CNTNAP4: variants seen among roughly 807,000 people sequenced by gnomAD.
The protein encoded by CNTNAP4 is contactin-associated protein-like 4.
CNTNAP4 carries 98 observed loss-of-function variants against 148.4 expected under a neutral mutation model. That is an observed-to-expected ratio of 0.66 (90% CI 0.56 to 0.78). The LOEUF (loss-of-function observed/expected upper bound fraction) is 0.78. CNTNAP4 is among the 30% of genes least tolerant of loss of function. The probability of loss-of-function intolerance (pLI) is 0.00; values close to 1 mark genes in which losing one functional copy is unlikely to be tolerated. For synonymous variants in CNTNAP4, 730 were observed against 565.1 expected (o/e 1.29, Z -4.14); for missense variants, 1,935 against 1,565.6 (o/e 1.24, Z -3.98).
intron 20 of CNTNAP4, 102 bp downstream of exon 20, chr16:76,539,954 T>G: frequency 1.3e-6 from 1 of 797,216 alleles, no homozygotes; most frequent in African/African-American, 1.8e-5. Flanking sequence ...AGAGACACTT[T>G]CATTGGTCTT....
chr16:76,398,802 A>T (rs1380421807), intron 3 of CNTNAP4, among the ~76,000 whole-genome samples: 1 of 152,116 alleles, frequency 6.6e-6, no homozygotes, highest in South Asian at 2.1e-4. Flanking sequence ...TTGGGTGCAT[A>T]TATATTTGTA....
chr16:76,439,238 G>A (rs184298811), intron 4 of CNTNAP4, among the ~76,000 whole-genome samples: 276 of 152,132 alleles, frequency 1.8e-3, no homozygotes, highest in African/African-American at 6.4e-3. Flanking sequence ...GATGTAAATT[G>A]TATCATAAAT....
intron 3 of CNTNAP4, among the ~76,000 whole-genome samples, chr16:76,413,275 A>G (rs894830957): frequency 6.6e-6 from 1 of 151,324 alleles, no homozygotes; most frequent in Admixed American, 6.6e-5. Context: ...CTCAGCCTCT[A>G]GTAACCATCT....
chr16:76,516,212 G>T (rs1320934602), intron 15 of CNTNAP4, among the ~76,000 whole-genome samples: 1 of 150,618 alleles, frequency 6.6e-6, no homozygotes, highest in Non-Finnish European at 1.5e-5. Flanking sequence ...CTGTTTCTGT[G>T]TTAGTGTGCT....
chr16:76,498,132 T>G (rs556269481), intron 14 of CNTNAP4, among the ~76,000 whole-genome samples: 57 of 152,334 alleles, frequency 3.7e-4, no homozygotes, highest in African/African-American at 1.3e-3. Flanking sequence ...GGCTCACACC[T>G]GTAATCCCCG....
chr16:76,525,204 T>G lies in CNTNAP4; in HGVS notation c.2755+2947T>G, dbSNP rs577578566. ...AAAAATTGTAACTGGAGATATTTTTTTTTTCCCTGTAGGCAGACTCAGTGA... is the reference window on the plus strand; with the variant it reads ...AAAAATTGTAACTGGAGATATTTTTGTTTTCCCTGTAGGCAGACTCAGTGA... On this transcript the variant is annotated intron_variant, in intron 17 of 23. Transcript: ENST00000611870. Among the ~76,000 whole-genome samples, 4 of 152,154 alleles carry G rather than the reference T, an allele frequency of 2.6e-5. No homozygotes were observed. In the East Asian group the frequency reaches 7.7e-4, roughly 29 times the overall value.
At chr16:76,402,847 A>T (rs1191425677) in intron 3 of CNTNAP4, among the ~76,000 whole-genome samples, 1 of 151,792 alleles carries the variant, frequency 6.6e-6, no homozygotes, top group East Asian at 1.9e-4. Flanking sequence ...ATGTAATTGC[A>T]TGGTTTTGAG....
intron 3 of CNTNAP4, among the ~76,000 whole-genome samples, chr16:76,424,013 A>T (rs1203095016): frequency 1.3e-5 from 2 of 152,048 alleles, no homozygotes; most frequent in African/African-American, 4.8e-5. Context: ...CAACCTCACA[A>T]TTTTCCTTAC....
chr16:76,465,937 G>A (rs2081163737), intron 9 of CNTNAP4, among the ~76,000 whole-genome samples: 1 of 152,096 alleles, frequency 6.6e-6, no homozygotes, highest in South Asian at 2.1e-4. Context: ...AAGCATTAAG[G>A]AAAAATATTA....
At chr16:76,494,881 A>G (rs1242806910) in intron 13 of CNTNAP4, 29 bp from the exon 14 acceptor site, 2 of 1,607,946 alleles carry the variant, frequency 1.2e-6, no homozygotes, top group African/African-American at 2.7e-5. Flanking sequence ...CATAAAACAG[A>G]TGTCACATTT....
chr16:76,372,338 C>T lies in CNTNAP4; in HGVS notation c.390+16827C>T, dbSNP rs537783369. On this transcript the variant is annotated intron_variant, in intron 3 of 23. Transcript: ENST00000611870. ...TTTTTTTTTGTATTTTTAGTAGAGA[C>T]AGAGTTTCACTGTGTTAGCCAGGAT... 2.2e-3 allele frequency among the ~76,000 whole-genome samples: 323 copies of T among 149,450 alleles called. 2 individuals carry two copies. Among genetic ancestry groups the T allele is most frequent in the African/African-American group, 7.4e-3 (299 of 40,608 alleles).
At chr16:76,437,493 C>T (rs1413186934) in intron 4 of CNTNAP4, among the ~76,000 whole-genome samples, 2 of 152,108 alleles carry the variant, frequency 1.3e-5, no homozygotes, top group Non-Finnish European at 2.9e-5. Context: ...AAGAGGCTCT[C>T]ACTGACCAAA....
intron 1 of CNTNAP4, among the ~76,000 whole-genome samples, chr16:76,283,002 A>AC (rs998926206): frequency 1.2e-4 from 18 of 151,222 alleles, no homozygotes; most frequent in Non-Finnish European, 2.1e-4. Context: ...AAGAAAATAA[A>AC]CCCCCCCACC....
intron 17 of CNTNAP4, 122 bp downstream of exon 17, chr16:76,522,379 A>G (rs1372952142): frequency 3.7e-6 from 3 of 821,458 alleles, no homozygotes; most frequent in Non-Finnish European, 5.7e-6. Context: ...ACAAATCACC[A>G]TGGATTCACA....
In CNTNAP4 at chr16:76,509,041, G is replaced by A. The variant is rs2082925456; in HGVS notation, c.2365+10347G>A. Among the ~76,000 whole-genome samples the A allele has an allele frequency of 2.1e-5, 2 of 97,370 alleles. 1 individual carries two copies. The highest frequency in any genetic ancestry group is 5.8e-5 in the Non-Finnish European group (2 of 34,348). 63.9% of individuals were successfully genotyped at this position (97,370 alleles called of 152,430 possible). On this transcript the variant is annotated intron_variant, in intron 15 of 23. Coordinates refer to ENST00000611870, the MANE Select transcript of CNTNAP4 (RefSeq NM_033401.5). ...GCTGGGATTACAGGCGTGAGCCACC[G>A]TGCCTGGCCAAAATCATAACTTTTT... is the stretch of plus-strand genomic sequence containing the variant.
At chr16:76,322,019 G>A (rs2195430) in intron 2 of CNTNAP4, among the ~76,000 whole-genome samples, 36,489 of 152,044 alleles carry the variant, frequency 0.24, 5,685 homozygotes, top group Non-Finnish European at 0.35. Flanking sequence ...TTCACTGACT[G>A]AGTTTGTTGC....
In CNTNAP4 at chr16:76,461,980, G is replaced by A. The variant is rs776372628; in HGVS notation, c.1358G>A (p.Trp453Ter). The A allele has an allele frequency of 1.2e-6, 2 of 1,613,746 alleles. No individual in the cohort carries two copies. Among genetic ancestry groups the A allele is most frequent in the South Asian group, 2.2e-5 (2 of 91,046 alleles). ...GGTGTCGAATTAAATGATGGGCAGTGGCATTCTGTCTCTTTATCTGCTAAA... is the reference window on the plus strand; with the variant it reads ...GGTGTCGAATTAAATGATGGGCAGTAGCATTCTGTCTCTTTATCTGCTAAA... Reference protein sequence around the residue: ...TAGVELNDGQWHSVSLSAKKN... With the variant: ...TAGVELNDGQ Residue 453 changes from tryptophan (W) to a stop codon, truncating the protein, a stop_gained, in exon 9 of 24, where the codon TGG becomes TAG. Coordinates refer to ENST00000611870, the MANE Select transcript of CNTNAP4 (RefSeq NM_033401.5). LOFTEE classifies it high-confidence loss of function.
Position 76,553,299 on chromosome 16 carries a change from C to A in CNTNAP4, c.3459C>A (p.Asp1153Glu). 6.2e-7 allele frequency: 1 copy of A among 1,606,374 alleles called. No homozygotes were observed. Among genetic ancestry groups the A allele is most frequent in the Non-Finnish European group, 8.5e-7 (1 of 1,173,628 alleles). Residue 1153 changes from aspartate to glutamate, a missense_variant, in exon 22 of 24, where the codon GAC becomes GAA. By Grantham distance (45) the Asp-to-Glu change is conservative. Coordinates refer to ENST00000611870, the MANE Select transcript of CNTNAP4 (RefSeq NM_033401.5). ...LGRILEHSDV[D>E]QDTALAGAQG... ...AATTTCTAGAACACAGTGATGTGGA[C>A]CAGGATACTGCACTGGCAGGTGCGC...
At chr16:76,341,372 A>T (rs978821395) in intron 2 of CNTNAP4, among the ~76,000 whole-genome samples, 4 of 152,144 alleles carry the variant, frequency 2.6e-5, no homozygotes, top group Non-Finnish European at 5.9e-5. Context: ...TAAACAGTGA[A>T]ATTATTTTTT....
Sources: gnomAD v4.1 joint callset for allele counts (sites outside exome capture counted in the v4.1 genomes callset) on GRCh38, gnomAD v4.1.1 for gene constraint, MANE v1.5 for transcripts, NCBI Gene and HGNC (gene_info 2026-07-23, HGNC 2026-07-21) for gene names.